The following PRSS57 variants were observed in gnomAD, a reference collection of about 807,000 sequenced individuals.
PRSS57 encodes neutrophil serine protease 4.
A neutral mutation model predicts 20.6 loss-of-function variants in PRSS57; 19 were observed. The observed-to-expected ratio is 0.92, with a 90% confidence interval of 0.64 to 1.35. PRSS57 has a LOEUF of 1.35. Ranked by LOEUF, PRSS57 falls within the 40% of genes most tolerant of loss-of-function variation. The pLI is 0.00. For synonymous variants in PRSS57, 203 were observed against 176.6 expected (o/e 1.15, Z -1.19); for missense variants, 440 against 403.7 (o/e 1.09, Z -0.77).
At chr19:688,892 C>G (rs935928036) in intron 3 of PRSS57, among the ~76,000 whole-genome samples, 36 of 152,174 alleles carry the variant, frequency 2.4e-4, no homozygotes, top group African/African-American at 8.7e-4. Flanking sequence ...AGCCACCACG[C>G]CCGGCCCCAC....
intron 3 of PRSS57, among the ~76,000 whole-genome samples, chr19:691,430 G>C (rs1599117774): frequency 6.6e-6 from 1 of 151,760 alleles, no homozygotes; most frequent in African/African-American, 2.4e-5. Flanking sequence ...ACTTGAGCCT[G>C]GGAGGCGGAG....
intron 2 of PRSS57, among the ~76,000 whole-genome samples, chr19:694,070 T>C (rs1326808096): frequency 6.6e-6 from 1 of 151,730 alleles, no homozygotes; most frequent in African/African-American, 2.4e-5. Context: ...GAGACAGAGT[T>C]TCACCATGTT....
chr19:685,713 G>C lies in PRSS57; in HGVS notation c.*3C>G. On this transcript the variant is annotated 3_prime_UTR_variant, in exon 5 of 5. Coordinates refer to ENST00000329267, the MANE Select transcript of PRSS57 (RefSeq NM_001308209.2). ...TCTCATTTGCATGCCGCAAGGTTGTGGCTCAGGCGGCTTCTCCTGGGGGCC... is the reference window on the plus strand; with the variant it reads ...TCTCATTTGCATGCCGCAAGGTTGTCGCTCAGGCGGCTTCTCCTGGGGGCC... 1 of 1,533,132 alleles carries C rather than the reference G, an allele frequency of 6.5e-7. No homozygotes were observed. The highest frequency in any genetic ancestry group is 8.8e-7 in the Non-Finnish European group (1 of 1,132,326). 95.0% of individuals were successfully genotyped at this position (1,533,132 alleles called of 1,614,324 possible). A position where few individuals can be genotyped will look rare whatever the true frequency, so the allele number is the denominator to read the frequency against.
chr19:686,204 T>G (rs1329530619), intron 4 of PRSS57, among the ~76,000 whole-genome samples: 1 of 152,120 alleles, frequency 6.6e-6, no homozygotes, highest in Non-Finnish European at 1.5e-5. Context: ...TGCAGTGTTT[T>G]GGGCAGTGCA....
In PRSS57 at chr19:694,945, G is replaced by A. The variant is rs546660278; in HGVS notation, c.102C>T (p.Ile34=). Reference sequence around the variant, plus strand: ...AGTGGGGGGTCACCTCGTGGCCCCCGATGATCTGGGCCCCCCAGGAGCCTG... The same window carrying A: ...AGTGGGGGGTCACCTCGTGGCCCCCAATGATCTGGGCCCCCCAGGAGCCTG... The part of the protein sequence containing the change: ...KPPGSWGAQI[I]GGHEVTPHSR... Residue 34 remains isoleucine (I), a synonymous_variant, in exon 2 of 5, where the codon ATC becomes ATT. Transcript: ENST00000329267. The A allele has an allele frequency of 9.6e-5, 150 of 1,568,358 alleles. No homozygotes were observed. The Middle Eastern group carries it at 1.2e-3, about 13-fold the overall frequency.
rs1171032187 is a variant in PRSS57, at chr19:693,229, C to CTTTTTTTTTTTT, written c.234-1228_234-1227insAAAAAAAAAAAA. Among the ~76,000 whole-genome samples the CTTTTTTTTTTTT allele has an allele frequency of 4.6e-5, 5 of 109,130 alleles. 2 individuals are homozygous for CTTTTTTTTTTTT. Among genetic ancestry groups the CTTTTTTTTTTTT allele is most frequent in the Non-Finnish European group, 5.5e-5 (3 of 54,482 alleles). 71.6% of individuals were successfully genotyped at this position (109,130 alleles called of 152,430 possible). The stretch of plus-strand genomic sequence containing the variant: ...TACAGGCGTGAGCCACCGCACCCGG[C>CTTTTTTTTTTTT]CTTTTTTTTTTTTTTTTTTTTGAGA... On this transcript the variant is annotated intron_variant, in intron 2 of 4. Coordinates refer to ENST00000329267, the MANE Select transcript of PRSS57 (RefSeq NM_001308209.2).
At chr19:689,545 G>A (rs1047241601) in intron 3 of PRSS57, among the ~76,000 whole-genome samples, 55 of 152,232 alleles carry the variant, frequency 3.6e-4, no homozygotes, top group African/African-American at 1.3e-3. Context: ...GGCACCAGGA[G>A]GATTTGTCCT....
intron 2 of PRSS57, among the ~76,000 whole-genome samples, chr19:692,475 A>G (rs1440244851): frequency 2.1e-5 from 3 of 142,502 alleles, no homozygotes; most frequent in Non-Finnish European, 3.0e-5. Context: ...CCTAGGCTAG[A>G]GTGCAATCGA....
intron 4 of PRSS57, among the ~76,000 whole-genome samples, 154 bp from the exon 5 acceptor site, chr19:686,076 GC>G (rs2031467474): frequency 2.0e-5 from 3 of 151,930 alleles, no homozygotes; most frequent in Non-Finnish European, 2.9e-5. Context: ...TGAGGACCCA[GC>G]CCCCACCCAC....
At chr19:693,104 T>A (rs2031693498) in intron 2 of PRSS57, among the ~76,000 whole-genome samples, 1 of 147,814 alleles carries the variant, frequency 6.8e-6, no homozygotes, top group African/African-American at 2.5e-5. Flanking sequence ...ATTTTTTGTA[T>A]TTTTTTTTAG....
intron 3 of PRSS57, 46 bp downstream of exon 3, chr19:691,812 C>G (rs777574671): frequency 1.5e-6 from 2 of 1,315,904 alleles, no homozygotes; most frequent in African/African-American, 3.0e-5. Flanking sequence ...GAGCGAGAGA[C>G]TGTCTCAAAA....
At chr19:690,927 G>A (rs559456708) in intron 3 of PRSS57, 33 of 461,692 alleles carry the variant, frequency 7.1e-5, no homozygotes, top group Non-Finnish European at 1.2e-4. Context: ...TCGTCTGGGC[G>A]CCTGTGCTCA....
At chr19:694,492 C>G (rs190661532) in intron 2 of PRSS57, among the ~76,000 whole-genome samples, 3,922 of 149,692 alleles carry the variant, frequency 0.026, 72 homozygotes, top group Non-Finnish European at 0.042. Context: ...CGCTTGAGCC[C>G]GGGAGGTGGA....
intron 3 of PRSS57, chr19:690,965 G>T: frequency 2.1e-6 from 1 of 478,596 alleles, no homozygotes. Context: ...GCTGGTATCG[G>T]TGACTGCTAC....
rs1568211244 is a variant in PRSS57, at chr19:695,413, C to G, written c.18G>C (p.Arg6Ser). 5 of 1,271,508 alleles carry G rather than the reference C, an allele frequency of 3.9e-6. No homozygotes were observed. In the Admixed American group the frequency reaches 1.9e-4, roughly 48 times the overall value. The allele number at this position is 1,271,508 out of a possible 1,614,324, so 78.8% of individuals were successfully genotyped here. A position where few individuals can be genotyped will look rare whatever the true frequency, so the allele number is the denominator to read the frequency against. The change falls in exon 1 of 5, where the codon AGG (arginine) becomes AGC (serine). Residue 6 changes from arginine (R) to serine (S), a missense_variant. Transcript: ENST00000329267. MGLGLRGWGRPLLTVA... is the reference protein window; with the variant it reads MGLGLSGWGRPLLTVA... ...CAGTCAGCAGAGGACGTCCCCAGCC[C>G]CTCAACCCGAGCCCCATGGCAGACG...
rs7359916 is a variant in PRSS57, at chr19:687,799, A to T, written c.379-611T>A. ...GACAAAACCTCTTTGCTCACCAGCCAGGGCCTCTGAGGGCTCTCCAGCCTC... is the reference window on the plus strand; with the variant it reads ...GACAAAACCTCTTTGCTCACCAGCCTGGGCCTCTGAGGGCTCTCCAGCCTC... On this transcript the variant is annotated intron_variant, in intron 3 of 4. Coordinates refer to ENST00000329267, the MANE Select transcript of PRSS57 (RefSeq NM_001308209.2). Among the ~76,000 whole-genome samples the T allele has an allele frequency of 2.6e-4, 39 of 152,004 alleles. 1 individual carries two copies. In the East Asian group the frequency reaches 5.6e-3, roughly 22 times the overall value.
intron 3 of PRSS57, among the ~76,000 whole-genome samples, chr19:690,046 C>T (rs560399913): frequency 6.7e-6 from 1 of 149,240 alleles, no homozygotes; most frequent in Admixed American, 6.7e-5. Context: ...AAGTGAGACT[C>T]CGTCTCAAAA....
Position 685,818 on chromosome 19 carries a change from C to A in PRSS57, c.747G>T (p.Gln249His). The change falls in exon 5 of 5, where the codon CAG (glutamine) becomes CAT (histidine). Residue 249 changes from glutamine to histidine, a missense_variant. Coordinates refer to ENST00000329267, the MANE Select transcript of PRSS57 (RefSeq NM_001308209.2). Reference protein sequence around the residue: ...GDPKTPDVYTQVSAFVAWIWD... With the variant: ...GDPKTPDVYTHVSAFVAWIWD... Reference sequence around the variant, plus strand: ...AGATCCAGGCCACAAAGGCGGACACCTGCGTGTACACGTCGGGGGTCTTGG... The same window carrying A: ...AGATCCAGGCCACAAAGGCGGACACATGCGTGTACACGTCGGGGGTCTTGG... 1 of 1,566,690 alleles carries A rather than the reference C, an allele frequency of 6.4e-7. No homozygotes were observed. Among genetic ancestry groups the A allele is most frequent in the African/African-American group, 1.4e-5 (1 of 73,904 alleles).
rs551805709 is a variant in PRSS57, at chr19:694,838, G to A, written c.209C>T (p.Ser70Leu). The A allele has an allele frequency of 2.6e-5, 41 of 1,607,382 alleles. No individual in the cohort carries two copies. The highest frequency in any genetic ancestry group is 6.8e-5 in the East Asian group (3 of 44,392). ...GFLLRARWVV[S>L]AAHCFSHRDL... ...CCTGTGGCTGAAGCAGTGGGCGGCC[G>A]AGACCACCCAGCGGGCTCGCAGCAG... The change falls in exon 2 of 5, where the codon TCG becomes TTG. Residue 70 changes from serine (S) to leucine (L), a missense_variant. By Grantham distance (145) the Ser-to-Leu change is moderately radical. Transcript: ENST00000329267.
Sources: allele counts gnomAD v4.1 joint callset (sites outside exome capture counted in the v4.1 genomes callset), GRCh38; gene constraint gnomAD v4.1.1; transcripts MANE v1.5; gene names NCBI Gene and HGNC (gene_info 2026-07-23, HGNC 2026-07-21).